Variants in TENM3 observed in about 807,000 individuals in gnomAD.
The protein encoded by TENM3 is teneurin-3.
TENM3 carries 63 observed loss-of-function variants against 255.1 expected under a neutral mutation model. The observed-to-expected ratio is 0.25, with a 90% CI of 0.20 to 0.30. The LOEUF (loss-of-function observed/expected upper bound fraction) is 0.30. Ranked by LOEUF, TENM3 falls within the 10% of genes least tolerant of loss-of-function variation. TENM3 has a pLI of 1.00. For synonymous variants in TENM3, 1,306 were observed against 1,322.3 expected, an observed-to-expected ratio of 0.99 and a Z score of 0.27; for missense variants, 2,929 against 3,461.1, an observed-to-expected ratio of 0.85 and a Z score of 3.86.
At chr4:182,082,440 T>C in the TENM3 span, among the ~76,000 whole-genome samples, 1 of 152,332 alleles carries the variant, frequency 6.6e-6, no homozygotes, top group African/African-American at 2.4e-5. Context: ...ATAGCAATAA[T>C]GTACATTCAT....
rs781748652 is a variant in TENM3 at position 182,324,218 on chromosome 4, G to T, written c.198G>T (p.Leu66Phe). 2.5e-6 allele frequency: 4 copies of T among 1,613,836 alleles called. No individual in the cohort carries two copies. The East Asian group carries it at 8.9e-5, about 36-fold the overall frequency. ...TTTACGGCAACAGAGTGAAGGATTT[G>T]GTTCACAGAGAAGCAGACGAGTTCA... ...RLLYGNRVKD[L>F]VHREADEFTR... is the part of the protein sequence containing the mutation. Residue 66 changes from leucine (L) to phenylalanine (F), a missense_variant, in exon 2 of 28, where the codon TTG becomes TTT. Physicochemically the swap from Leu to Phe is conservative, Grantham distance 22. This residue lies in a region of TENM3 where 283 missense variants were observed against 256.9 expected (regional missense o/e 1.10). Transcript: ENST00000511685.
intron 3 of TENM3, among the ~76,000 whole-genome samples, chr4:182,397,549 T>C (rs1279962837): frequency 6.6e-6 from 1 of 152,092 alleles, no homozygotes; most frequent in Non-Finnish European, 1.5e-5. Context: ...GTATTAAGAC[T>C]GTGATGTGCC....
At chr4:182,542,779 A>G (rs1396143931) in intron 3 of TENM3, among the ~76,000 whole-genome samples, 8 of 152,196 alleles carry the variant, frequency 5.3e-5, no homozygotes, top group Admixed American at 2.0e-4. Flanking sequence ...AAATGATTCT[A>G]TACAATTTTT....
chr4:182,588,683 T>A (rs1317040758), intron 3 of TENM3, among the ~76,000 whole-genome samples: 6 of 152,160 alleles, frequency 3.9e-5, no homozygotes, highest in Admixed American at 1.3e-4. Flanking sequence ...TGAGACATTT[T>A]AAAGGTATTT....
At chr4:181,817,208 T>C in the TENM3 span, among the ~76,000 whole-genome samples, 9 of 152,210 alleles carry the variant, frequency 5.9e-5, no homozygotes, top group African/African-American at 2.2e-4. Context: ...ACCTTCTACC[T>C]ATGATGATTA....
the TENM3 span, among the ~76,000 whole-genome samples, chr4:182,138,651 G>A: frequency 6.6e-6 from 1 of 152,168 alleles, no homozygotes; most frequent in African/African-American, 2.4e-5. Context: ...TTTGGAGGAC[G>A]ACAGGGTTTT....
chr4:181,771,993 T>A, the TENM3 span, among the ~76,000 whole-genome samples: 1 of 152,108 alleles, frequency 6.6e-6, no homozygotes, highest in Non-Finnish European at 1.5e-5. Flanking sequence ...GGTGCTGAGA[T>A]TTTTTTTAAA....
chr4:181,645,324 C>A, the TENM3 span, among the ~76,000 whole-genome samples: 5 of 152,128 alleles, frequency 3.3e-5, no homozygotes, highest in Non-Finnish European at 5.9e-5. Context: ...TGGTTAGAGG[C>A]GAAGAACATC....
rs80344868 is a variant in TENM3 at position 182,755,104 on chromosome 4, T to G, written c.4737T>G (p.Ser1579=). 5 of 1,614,016 alleles carry G rather than the reference T, an allele frequency of 3.1e-6. No homozygotes were observed. In the East Asian group the frequency reaches 1.1e-4, roughly 36 times the overall value. Residue 1579 remains serine (S), a synonymous_variant, in exon 22 of 28, where the codon TCT becomes TCG. Transcript: ENST00000511685. ...ATCGCATGCCAGTTCGAGTGGTGTC[T>G]CCTGATAACCAAGTGATATGGTTGA... ...DPNRMPVRVV[S]PDNQVIWLTI...
intron 3 of TENM3, among the ~76,000 whole-genome samples, chr4:182,578,313 C>T (rs1236320189): frequency 5.3e-5 from 8 of 152,126 alleles, no homozygotes; most frequent in African/African-American, 1.9e-4. Context: ...CAGTTCTAAT[C>T]GCCTACCCTG....
chr4:182,621,747 ATATTATAATATATAATAATTATAT>A (rs1750253315), intron 4 of TENM3, among the ~76,000 whole-genome samples: 1 of 36,610 alleles, frequency 2.7e-5, no homozygotes, highest in Non-Finnish European at 6.0e-5. Flanking sequence ...AATATATAAT[ATATTATAATATATAATAATTATAT>A]ATTATATATA....
chr4:181,722,370 T>A, the TENM3 span, among the ~76,000 whole-genome samples: 2 of 152,220 alleles, frequency 1.3e-5, no homozygotes, highest in Non-Finnish European at 2.9e-5. Flanking sequence ...TGATGACAAT[T>A]GCCAGAGTAT....
At chr4:182,289,128 G>T (rs1000445192) in intron 1 of TENM3, among the ~76,000 whole-genome samples, 1 of 152,238 alleles carries the variant, frequency 6.6e-6, no homozygotes, top group African/African-American at 2.4e-5. Flanking sequence ...TACTCTGGAG[G>T]CTGACGTGGA....
intron 19 of TENM3, 25 bp from the exon 20 acceptor site, chr4:182,751,775 T>C (rs372102557): frequency 6.4e-7 from 1 of 1,552,432 alleles, no homozygotes; most frequent in Admixed American, 1.7e-5. Context: ...CTCCCTTTGA[T>C]GTTTATCTAT....
the TENM3 span, among the ~76,000 whole-genome samples, chr4:181,626,053 G>A: frequency 6.6e-6 from 1 of 152,150 alleles, no homozygotes; most frequent in Non-Finnish European, 1.5e-5. Context: ...TCATGTGATA[G>A]AGAAATAGGA....
At chr4:182,076,815 G>T in the TENM3 span, among the ~76,000 whole-genome samples, 2 of 152,146 alleles carry the variant, frequency 1.3e-5, no homozygotes, top group African/African-American at 4.8e-5. Flanking sequence ...AGCAGCCGTA[G>T]ACGAGATGTA....
the TENM3 span, among the ~76,000 whole-genome samples, chr4:182,102,622 A>C: frequency 6.6e-6 from 1 of 152,302 alleles, no homozygotes; most frequent in East Asian, 1.9e-4. Flanking sequence ...GTGGATAAAT[A>C]ATTCTGAGGT....
At chr4:181,621,938 G>A in the TENM3 span, among the ~76,000 whole-genome samples, 1 of 152,162 alleles carries the variant, frequency 6.6e-6, no homozygotes, top group Non-Finnish European at 1.5e-5. Context: ...AGTTCAAATC[G>A]AGCCTGTGAT....
intron 1 of TENM3, among the ~76,000 whole-genome samples, chr4:182,316,784 C>T (rs1363351935): frequency 1.3e-5 from 2 of 152,156 alleles, no homozygotes; most frequent in Non-Finnish European, 2.9e-5. Flanking sequence ...CCAAGTGGCT[C>T]TCTTTTCTCT....
Sources: gnomAD v4.1 joint callset for allele counts (sites outside exome capture counted in the v4.1 genomes callset) on GRCh38, gnomAD v4.1.1 for gene constraint, gnomAD v4.1.1 regional missense constraint, MANE v1.5 for transcripts, NCBI Gene and HGNC (gene_info 2026-07-23, HGNC 2026-07-21) for gene names.